The following MACROD2 variants were observed in gnomAD, a reference collection of about 807,000 sequenced individuals.
MACROD2 encodes the protein mono-ADP ribosylhydrolase 2.
Under a neutral mutation model 70.4 loss-of-function variants are expected in MACROD2, and 36 were observed. The ratio of observed to expected loss-of-function variants is 0.51; its 90% CI spans 0.39 to 0.68. The LOEUF (loss-of-function observed/expected upper bound fraction) is 0.68. Among genes scored for constraint, MACROD2 ranks in the 30% least tolerant of loss-of-function variants. The pLI, the probability that MACROD2 is intolerant of heterozygous loss-of-function variation, is 0.00. For synonymous variants in MACROD2, 172 were observed against 178.8 expected (o/e 0.96, Z 0.30); for missense variants, 496 against 538.4 (o/e 0.92, Z 0.78).
chr20:14,013,908 A>G (rs1263872729), intron 2 of MACROD2, among the ~76,000 whole-genome samples: 1 of 152,004 alleles, frequency 6.6e-6, no homozygotes, highest in East Asian at 1.9e-4. Flanking sequence ...TCTCGACCTC[A>G]GGTGATCCAC....
At chr20:15,229,642 A>C (rs1435455320) in intron 5 of MACROD2, among the ~76,000 whole-genome samples, 1 of 152,186 alleles carries the variant, frequency 6.6e-6, no homozygotes, top group Non-Finnish European at 1.5e-5. Context: ...CCAGGGAGCC[A>C]ATTATGCACG....
intron 6 of MACROD2, among the ~76,000 whole-genome samples, chr20:15,304,515 C>G (rs1241942185): frequency 6.6e-6 from 1 of 152,152 alleles, no homozygotes; most frequent in African/African-American, 2.4e-5. Context: ...ACAGCCTGAT[C>G]AACCTTTTGT....
chr20:14,991,299 AT>A (rs997899260), intron 5 of MACROD2, among the ~76,000 whole-genome samples: 12 of 150,170 alleles, frequency 8.0e-5, no homozygotes, highest in Middle Eastern at 3.5e-3. Flanking sequence ...ACTTTGCATC[AT>A]TTTTTTTTTA....
intron 8 of MACROD2, among the ~76,000 whole-genome samples, chr20:15,695,787 G>A (rs963302138): frequency 3.7e-5 from 5 of 136,480 alleles, no homozygotes; most frequent in Admixed American, 1.4e-4. Context: ...ATATTCCTGC[G>A]TATTTTTTTT....
At chr20:15,699,627 T>A (rs1344986639) in intron 8 of MACROD2, among the ~76,000 whole-genome samples, 1 of 152,120 alleles carries the variant, frequency 6.6e-6, no homozygotes, top group Admixed American at 6.5e-5. Context: ...CGAGTTTGTT[T>A]CCAGGCGGAG....
In MACROD2 at chr20:14,521,466, A is replaced by G. The variant is rs534751925; in HGVS notation, c.301+27958A>G. Among the ~76,000 whole-genome samples the G allele has an allele frequency of 1.6e-4, 25 of 152,320 alleles. No homozygotes were observed. In the South Asian group the frequency reaches 4.1e-3, roughly 25 times the overall value. On this transcript the variant is annotated intron_variant, in intron 4 of 17. Transcript: ENST00000684519. ...TATTACATTAAATAAGATTATCTTT[A>G]TATCCCTCTACCTGCAGGTTTGTCT... is the stretch of plus-strand genomic sequence containing the variant.
chr20:15,176,900 C>G (rs1157817818), intron 5 of MACROD2, among the ~76,000 whole-genome samples: 1 of 152,164 alleles, frequency 6.6e-6, no homozygotes, highest in Admixed American at 6.5e-5. Context: ...CTGGCATCTC[C>G]AAGGTTCCAG....
chr20:15,986,888 G>T (rs6043660), intron 14 of MACROD2, 87 bp downstream of exon 14: 1 of 1,069,976 alleles, frequency 9.3e-7, no homozygotes, highest in East Asian at 2.4e-5. Flanking sequence ...TGTGCGTGGT[G>T]TGTGTGTGTG....
At chr20:15,232,650 G>T (rs559246968) in intron 6 of MACROD2, among the ~76,000 whole-genome samples, 1 of 151,996 alleles carries the variant, frequency 6.6e-6, no homozygotes, top group Non-Finnish European at 1.5e-5. Flanking sequence ...CACACCTCAT[G>T]ATTTGGCAAT....
chr20:15,713,984 T>C (rs1421906441), intron 8 of MACROD2, among the ~76,000 whole-genome samples: 3 of 101,530 alleles, frequency 3.0e-5, no homozygotes, highest in Admixed American at 9.3e-5. Flanking sequence ...CACACACACA[T>C]ATGCACACAC....
In MACROD2 at chr20:15,370,366, A is replaced by G. The variant is rs146959312; in HGVS notation, c.541-61039A>G. On this transcript the variant is annotated intron_variant, in intron 6 of 17. Coordinates refer to ENST00000684519, the MANE Select transcript of MACROD2 (RefSeq NM_001351661.2). ...TTAACTAGCACTTATAAAAAAGAAG[A>G]CACACTCCAATTGACATTTTCACAT... Among the ~76,000 whole-genome samples, 1,088 of 152,194 alleles carry G rather than the reference A, an allele frequency of 7.1e-3. 22 individuals are homozygous for G. The highest frequency in any genetic ancestry group is 0.025 in the African/African-American group (1,022 of 41,558).
At chr20:15,043,940 C>A (rs906017371) in intron 5 of MACROD2, among the ~76,000 whole-genome samples, 1 of 152,194 alleles carries the variant, frequency 6.6e-6, no homozygotes, top group Admixed American at 6.5e-5. Context: ...AGCTTCCAAA[C>A]CTTCTCTGGG....
chr20:15,905,421 T>A (rs966835860), intron 10 of MACROD2, among the ~76,000 whole-genome samples: 2 of 152,224 alleles, frequency 1.3e-5, no homozygotes, highest in Non-Finnish European at 2.9e-5. Context: ...CTGTGAGTAA[T>A]TTAGACTATG....
At chr20:15,607,924 T>C (rs1268292944) in intron 8 of MACROD2, among the ~76,000 whole-genome samples, 1 of 152,202 alleles carries the variant, frequency 6.6e-6, no homozygotes, top group Non-Finnish European at 1.5e-5. Flanking sequence ...CTAAAATCAA[T>C]ATCCAGAGAT....
Position 14,438,966 on chromosome 20 carries a change from A to G in MACROD2, c.272-54513A>G, listed in dbSNP as rs141887144. ...TAGGCTGAATTTTGGCATAATACAC[A>G]AGAAATAATTGTCAGGGCTAATGCC... On this transcript the variant is annotated intron_variant, in intron 3 of 17. Transcript: ENST00000684519. Among the ~76,000 whole-genome samples the G allele has an allele frequency of 5.3e-3, 809 of 152,302 alleles. 9 individuals are homozygous for G. Among genetic ancestry groups the G allele is most frequent in the African/African-American group, 0.019 (773 of 41,584 alleles).
At chr20:15,013,441 C>A (rs1372249233) in intron 5 of MACROD2, among the ~76,000 whole-genome samples, 1 of 152,172 alleles carries the variant, frequency 6.6e-6, no homozygotes, top group Non-Finnish European at 1.5e-5. Flanking sequence ...TGTTCCCCAG[C>A]AGCTGGGAGT....
intron 3 of MACROD2, among the ~76,000 whole-genome samples, chr20:14,128,920 AG>A (rs1407896005): frequency 1.3e-5 from 2 of 152,240 alleles, no homozygotes; most frequent in Non-Finnish European, 2.9e-5. Context: ...TCAGAAAAAA[AG>A]ATTCCTTTCA....
In MACROD2 at chr20:15,218,289, A is replaced by C. The variant is rs538873778; in HGVS notation, c.419-11651A>C. On this transcript the variant is annotated intron_variant, in intron 5 of 17. Transcript: ENST00000684519. ...CAAGCTCCTTGAAATCAATTTTTAC[A>C]CTTTGTTTTCTCTTTTCCCATCCAC... 1.1e-4 allele frequency among the ~76,000 whole-genome samples: 17 copies of C among 152,134 alleles called. 1 individual carries two copies. In the East Asian group the frequency reaches 3.3e-3, roughly 29 times the overall value.
intron 6 of MACROD2, among the ~76,000 whole-genome samples, chr20:15,341,225 A>G (rs1001879323): frequency 2.0e-5 from 3 of 152,168 alleles, no homozygotes; most frequent in Admixed American, 1.3e-4. Flanking sequence ...TCACATTTTG[A>G]TTATGTGATT....
Sources: gnomAD v4.1 joint callset for allele counts (sites outside exome capture counted in the v4.1 genomes callset) on GRCh38, gnomAD v4.1.1 for gene constraint, MANE v1.5 for transcripts, NCBI Gene and HGNC (gene_info 2026-07-23, HGNC 2026-07-21) for gene names.